The following CCDC169 variants were observed in gnomAD, a reference collection of about 807,000 sequenced individuals.
The protein encoded by CCDC169 is coiled-coil domain containing 169.
In CCDC169, 30 loss-of-function variants were observed where a neutral mutation model predicts 36.0. The ratio of observed to expected loss-of-function variants is 0.83; its 90% confidence interval spans 0.62 to 1.13. The LOEUF is 1.13. Ranked by LOEUF, CCDC169 falls within the 50% of genes most tolerant of loss-of-function variation. The pLI is 0.00. For missense variants in CCDC169, 245 were observed against 245.9 expected (o/e 1.00, Z 0.03); for synonymous variants, 85 against 81.5 (o/e 1.04, Z -0.23).
intron 4 of CCDC169, among the ~76,000 whole-genome samples, chr13:36,267,744 A>G (rs1473781428): frequency 2.0e-5 from 3 of 152,184 alleles, no homozygotes; most frequent in Non-Finnish European, 4.4e-5. Context: ...AACTCAAGGT[A>G]AAAGGGTGCA....
chr13:36,252,306 T>A (rs1489341372), intron 6 of CCDC169, among the ~76,000 whole-genome samples: 3 of 152,188 alleles, frequency 2.0e-5, no homozygotes, highest in Admixed American at 2.0e-4. Flanking sequence ...ATGCAAGAAC[T>A]TATCCTATCT....
chr13:36,231,701 CT>C (rs1232541451), intron 7 of CCDC169, among the ~76,000 whole-genome samples: 3 of 152,142 alleles, frequency 2.0e-5, no homozygotes, highest in African/African-American at 7.2e-5. Flanking sequence ...TTAAAGGCCA[CT>C]TCAATTTCCT....
At chr13:36,265,902 T>C (rs979944678) in intron 4 of CCDC169, among the ~76,000 whole-genome samples, 3 of 152,198 alleles carry the variant, frequency 2.0e-5, no homozygotes, top group African/African-American at 7.2e-5. Context: ...ATTTCCACTC[T>C]AGGAATCAAC....
chr13:36,234,809 C>A (rs536387187), intron 7 of CCDC169, among the ~76,000 whole-genome samples: 2 of 152,072 alleles, frequency 1.3e-5, no homozygotes, highest in South Asian at 2.1e-4. Context: ...AGCAAACCTG[C>A]CCTATAAAAA....
chr13:36,281,245 G>A (rs764810476), intron 4 of CCDC169: 20 of 449,492 alleles, frequency 4.4e-5, no homozygotes, highest in African/African-American at 3.0e-4. Context: ...CCCCTGGACT[G>A]CAAACCTCAT....
At chr13:36,225,420 G>T (rs190372421), downstream of CCDC169, 619 of 152,898 alleles carry the variant, frequency 4.0e-3, no homozygotes, top group Non-Finnish European at 6.0e-3. Context: ...GCCCAGGCTG[G>T]TCTCAAACTC....
intron 2 of CCDC169, among the ~76,000 whole-genome samples, chr13:36,290,467 A>T (rs1182643663): frequency 6.6e-6 from 1 of 151,128 alleles, no homozygotes. Flanking sequence ...AATACTTTAC[A>T]TTTTTTTTTA....
rs1275992862 is a variant in CCDC169 at position 36,258,941 on chromosome 13, T to TA, written c.316-4799_316-4798insT. Among the ~76,000 whole-genome samples, 5 of 152,270 alleles carry TA rather than the reference T, an allele frequency of 3.3e-5. No homozygotes were observed. In the East Asian group the frequency reaches 9.7e-4, roughly 29 times the overall value. On this transcript the variant is annotated intron_variant, in intron 4 of 7. Transcript: ENST00000239859. Reference sequence around the variant, plus strand: ...AGACATTACAGTGTGACTGGCCATGTCATCTGTCACAGGTGTGAAAACAAT... The same window carrying TA: ...AGACATTACAGTGTGACTGGCCATGTACATCTGTCACAGGTGTGAAAACAAT...
chr13:36,242,662 C>T (rs896184954), intron 7 of CCDC169, among the ~76,000 whole-genome samples: 1 of 151,844 alleles, frequency 6.6e-6, no homozygotes, highest in African/African-American at 2.4e-5. Context: ...TTATTAAACA[C>T]CAATTTATGC....
chr13:36,288,579 A>G lies in CCDC169; in HGVS notation c.164-4877T>C, dbSNP rs183146112. ...GGAAAACATATTTCTAAAATTGTAG[A>G]ATGGTTTCATCCAGAAAATCCTAAC... On this transcript the variant is annotated intron_variant, in intron 2 of 7. Coordinates refer to ENST00000239859, the MANE Select transcript of CCDC169 (RefSeq NM_001144981.3). Among the ~76,000 whole-genome samples the G allele has an allele frequency of 2.6e-5, 4 of 152,306 alleles. No individual in the cohort carries two copies. In the East Asian group the frequency reaches 7.7e-4, roughly 29 times the overall value.
chr13:36,283,848 G>C, intron 2 of CCDC169, 146 bp from the exon 3 acceptor site: 1 of 674,366 alleles, frequency 1.5e-6, no homozygotes, highest in African/African-American at 1.8e-5. Flanking sequence ...TAGTTATTAA[G>C]TCTGTATTTC....
chr13:36,232,583 G>A (rs890566768), intron 7 of CCDC169, among the ~76,000 whole-genome samples: 2 of 152,012 alleles, frequency 1.3e-5, no homozygotes, highest in African/African-American at 4.8e-5. Context: ...ATCACTTGAG[G>A]CCAGGAGTTT....
At chr13:36,236,080 A>C (rs1593993613) in intron 7 of CCDC169, among the ~76,000 whole-genome samples, 1 of 152,076 alleles carries the variant, frequency 6.6e-6, no homozygotes, top group Middle Eastern at 3.4e-3. Context: ...CACTACCCAA[A>C]GTGATCTACA....
intron 4 of CCDC169, among the ~76,000 whole-genome samples, chr13:36,279,181 C>G (rs1877206745): frequency 1.3e-5 from 2 of 152,074 alleles, no homozygotes; most frequent in Admixed American, 6.6e-5. Context: ...TCTAACCCAC[C>G]CTGAGGAATC....
chr13:36,276,113 A>G (rs1466330040), intron 4 of CCDC169, among the ~76,000 whole-genome samples: 1 of 152,244 alleles, frequency 6.6e-6, no homozygotes, highest in Non-Finnish European at 1.5e-5. Flanking sequence ...AATATAGACA[A>G]ACAGGCAAAG....
intron 4 of CCDC169, among the ~76,000 whole-genome samples, chr13:36,271,749 T>C (rs9547050): frequency 0.25 from 38,643 of 151,802 alleles, 5,198 homozygotes; most frequent in East Asian, 0.49. Flanking sequence ...ACTTTAGAGA[T>C]GCAGAAGGGG....
At chr13:36,259,673 G>A (rs1874365953) in intron 4 of CCDC169, among the ~76,000 whole-genome samples, 1 of 152,038 alleles carries the variant, frequency 6.6e-6, no homozygotes, top group Admixed American at 6.5e-5. Flanking sequence ...GCAAATGAAG[G>A]ATAGGCTCAC....
At chr13:36,296,706 G>C (rs1288140384) in intron 1 of CCDC169, among the ~76,000 whole-genome samples, 1 of 152,178 alleles carries the variant, frequency 6.6e-6, no homozygotes, top group Non-Finnish European at 1.5e-5. Context: ...CAGAAAAATA[G>C]CAATAGCGGC....
chr13:36,231,350 A>C, intron 7 of CCDC169, 58 bp from the exon 8 acceptor site: 3 of 1,482,216 alleles, frequency 2.0e-6, no homozygotes, highest in Non-Finnish European at 1.8e-6. Context: ...CAACAAAAAC[A>C]TTATAGGCCA....
Sources: gnomAD v4.1 joint callset for allele counts (sites outside exome capture counted in the v4.1 genomes callset) on GRCh38, gnomAD v4.1.1 for gene constraint, MANE v1.5 for transcripts, NCBI Gene and HGNC (gene_info 2026-07-23, HGNC 2026-07-21) for gene names.